DENND2B: variants seen among roughly 807,000 people sequenced by gnomAD.
The protein encoded by DENND2B is DENN domain-containing protein 2B.
In DENND2B, 32 loss-of-function variants were observed where a neutral mutation model predicts 116.0. The ratio of observed to expected loss-of-function variants is 0.28; its 90% CI spans 0.21 to 0.37. The LOEUF (loss-of-function observed/expected upper bound fraction) is 0.37. Among genes scored for constraint, DENND2B ranks in the 10% least tolerant of loss-of-function variants. The pLI, the probability that DENND2B is intolerant of heterozygous loss-of-function variation, is 1.00. For missense variants in DENND2B, 1,276 were observed against 1,477.7 expected, an observed-to-expected ratio of 0.86 and a Z score of 2.24; for synonymous variants, 588 against 583.9, an observed-to-expected ratio of 1.01 and a Z score of -0.10.
intron 4 of DENND2B, among the ~76,000 whole-genome samples, chr11:8,824,977 G>T (rs2061922203): frequency 6.6e-6 from 1 of 151,930 alleles, no homozygotes. Flanking sequence ...GGAATTACAG[G>T]CATGAGCCAC....
chr11:8,698,766 G>C (rs1442323220), intron 16 of DENND2B, among the ~76,000 whole-genome samples, 167 bp downstream of exon 16: 1 of 152,182 alleles, frequency 6.6e-6, no homozygotes, highest in Non-Finnish European at 1.5e-5. Flanking sequence ...GGCGGACCCT[G>C]CTAAGGTCAA....
intron 4 of DENND2B, among the ~76,000 whole-genome samples, chr11:8,816,512 C>T (rs1307409962): frequency 6.7e-6 from 1 of 150,258 alleles, no homozygotes; most frequent in African/African-American, 2.5e-5. Context: ...CATCGCATCA[C>T]TGCACTACAG....
intron 1 of DENND2B, among the ~76,000 whole-genome samples, chr11:8,804,404 CA>C (rs1377428896): frequency 6.6e-6 from 1 of 152,154 alleles, no homozygotes; most frequent in African/African-American, 2.4e-5. Flanking sequence ...GAACTGAACA[CA>C]AGCAGCTTTG....
At chr11:8,797,872 C>T (rs1337710554) in intron 1 of DENND2B, among the ~76,000 whole-genome samples, 2 of 152,160 alleles carry the variant, frequency 1.3e-5, no homozygotes, top group African/African-American at 2.4e-5. Context: ...TTGCTCCCTA[C>T]ATTCTAACAA....
intron 1 of DENND2B, among the ~76,000 whole-genome samples, chr11:8,759,523 C>G (rs2054205405): frequency 6.6e-6 from 1 of 152,188 alleles, no homozygotes; most frequent in Non-Finnish European, 1.5e-5. Context: ...CTATGTTCCA[C>G]TACTCTCCTA....
At chr11:8,798,917 T>A (rs1200758450) in intron 1 of DENND2B, among the ~76,000 whole-genome samples, 2 of 144,364 alleles carry the variant, frequency 1.4e-5, no homozygotes, top group East Asian at 2.3e-4. Flanking sequence ...AAACTCCGCC[T>A]CCCAGGTTCA....
At chr11:8,784,259 A>G (rs1188876227) in intron 1 of DENND2B, 5 of 151,852 alleles carry the variant, frequency 3.3e-5, no homozygotes, top group Admixed American at 3.3e-4. Flanking sequence ...ACCGAAAAAA[A>G]AAAAAAAAAA....
chr11:8,851,742 C>G (rs2063015914), intron 3 of DENND2B, among the ~76,000 whole-genome samples: 1 of 152,036 alleles, frequency 6.6e-6, no homozygotes, highest in Non-Finnish European at 1.5e-5. Context: ...ACAAACTAAA[C>G]AATAACAGGA....
intron 1 of DENND2B, among the ~76,000 whole-genome samples, chr11:8,761,540 T>A (rs1431513093): frequency 6.6e-6 from 1 of 152,212 alleles, no homozygotes; most frequent in Non-Finnish European, 1.5e-5. Flanking sequence ...TTCCTGCACA[T>A]GCCAGGAATG....
At chr11:8,867,705 C>T (rs1185910207) in intron 2 of DENND2B, among the ~76,000 whole-genome samples, 1 of 151,482 alleles carries the variant, frequency 6.6e-6, no homozygotes, top group African/African-American at 2.4e-5. Flanking sequence ...ACCTTAGCCT[C>T]CTGAATAGTT....
chr11:8,734,176 T>C (rs1740032997), intron 2 of DENND2B, among the ~76,000 whole-genome samples: 1 of 152,236 alleles, frequency 6.6e-6, no homozygotes, highest in Non-Finnish European at 1.5e-5. Flanking sequence ...TGTCTGCATG[T>C]TTCTGATTCT....
At chr11:8,704,645 C>T (rs900298385) in intron 13 of DENND2B, among the ~76,000 whole-genome samples, 1 of 152,228 alleles carries the variant, frequency 6.6e-6, no homozygotes, top group Non-Finnish European at 1.5e-5. Flanking sequence ...ATTCTTCCCT[C>T]TCCTAGAACC....
intron 2 of DENND2B, among the ~76,000 whole-genome samples, chr11:8,865,774 A>T (rs1448321928): frequency 3.5e-5 from 2 of 57,478 alleles, no homozygotes; most frequent in Non-Finnish European, 4.4e-5. Context: ...AAATCTCTTC[A>T]GAAAGATTTA....
At chr11:8,792,113 G>C (rs930445903) in intron 1 of DENND2B, among the ~76,000 whole-genome samples, 2 of 151,940 alleles carry the variant, frequency 1.3e-5, no homozygotes, top group African/African-American at 4.8e-5. Flanking sequence ...GCTGAGGCAG[G>C]AGAATTGCTT....
chr11:8,748,962 T>C (rs1481158869), intron 2 of DENND2B, among the ~76,000 whole-genome samples: 4 of 151,634 alleles, frequency 2.6e-5, no homozygotes, highest in Admixed American at 2.0e-4. Context: ...TTTAAAGGAG[T>C]TGAGGGTTGC....
chr11:8,701,943 A>G (rs146515983), intron 14 of DENND2B, among the ~76,000 whole-genome samples: 194 of 152,080 alleles, frequency 1.3e-3, no homozygotes, highest in African/African-American at 4.3e-3. Context: ...TGGCACCTCC[A>G]GGCCCTGCAC....
chr11:8,793,121 T>C (rs2059527141), intron 1 of DENND2B, among the ~76,000 whole-genome samples: 2 of 152,204 alleles, frequency 1.3e-5, no homozygotes, highest in Admixed American at 1.3e-4. Context: ...CATACTGAGG[T>C]AGAAAAATAT....
chr11:8,845,339 T>C (rs2062775503), intron 3 of DENND2B: 1 of 152,208 alleles, frequency 6.6e-6, no homozygotes, highest in Non-Finnish European at 1.5e-5. Flanking sequence ...CCGTTAGTAC[T>C]TGAATGGGAG....
rs1401592357 is a variant in DENND2B at position 8,695,769 on chromosome 11, A to G, written c.3293-220T>C. ...TTTGCTGCTGCCACCCTGCCTCCCC[A>G]TGCACATTCCCAAGCTGCACTAGGT... On this transcript the variant is annotated intron_variant, in intron 18 of 19. Transcript: ENST00000313726. 4 of 567,740 alleles carry G rather than the reference A, an allele frequency of 7.0e-6. No homozygotes were observed. In the Admixed American group the frequency reaches 1.2e-4, roughly 17 times the overall value. 35.2% of individuals were successfully genotyped at this position (567,740 alleles called of 1,614,324 possible). A position where few individuals can be genotyped will look rare whatever the true frequency, so the allele number is the denominator to read the frequency against.
Sources: allele counts gnomAD v4.1 joint callset (sites outside exome capture counted in the v4.1 genomes callset), GRCh38; gene constraint gnomAD v4.1.1; transcripts MANE v1.5; gene names NCBI Gene and HGNC (gene_info 2026-07-23, HGNC 2026-07-21).